The following ADAM19 variants were observed in gnomAD, a reference collection of about 807,000 sequenced individuals.
ADAM19 encodes the protein ADAM metallopeptidase domain 19, also known as disintegrin and metalloproteinase domain-containing protein 19.
ADAM19 carries 65 observed loss-of-function variants against 114.7 expected under a neutral mutation model. The ratio of observed to expected loss-of-function variants is 0.57; its 90% CI spans 0.46 to 0.70. The LOEUF (loss-of-function observed/expected upper bound fraction) is 0.70. Ranked by LOEUF, ADAM19 falls within the 30% of genes least tolerant of loss-of-function variation. ADAM19 has a pLI of 0.00. For synonymous variants in ADAM19, 466 were observed against 460.5 expected, an observed-to-expected ratio of 1.01 and a Z score of -0.15; for missense variants, 1,063 against 1,204.7, an observed-to-expected ratio of 0.88 and a Z score of 1.74.
intron 8 of ADAM19, among the ~76,000 whole-genome samples, chr5:157,511,958 C>T (rs1036208304): frequency 6.6e-6 from 1 of 152,180 alleles, no homozygotes; most frequent in Non-Finnish European, 1.5e-5. Flanking sequence ...TCACATACCC[C>T]ACAGAGGGGA....
At chr5:157,575,160 A>G (rs1230128011) in intron 1 of ADAM19, among the ~76,000 whole-genome samples, 1 of 152,224 alleles carries the variant, frequency 6.6e-6, no homozygotes, top group African/African-American at 2.4e-5. Flanking sequence ...GCCTGGTCCC[A>G]GGAAGCCGCT....
chr5:157,547,814 G>C (rs1028207908), intron 3 of ADAM19, among the ~76,000 whole-genome samples: 13 of 152,032 alleles, frequency 8.6e-5, no homozygotes, highest in African/African-American at 3.1e-4. Flanking sequence ...CTTTATATCA[G>C]CTACCTCTTC....
At chr5:157,534,447 A>G (rs1162222979) in intron 4 of ADAM19, among the ~76,000 whole-genome samples, 2 of 152,200 alleles carry the variant, frequency 1.3e-5, no homozygotes, top group Non-Finnish European at 2.9e-5. Flanking sequence ...CAGTGTGGGC[A>G]ACAGAGTGAG....
chr5:157,497,962 G>A (rs773582623), intron 13 of ADAM19, among the ~76,000 whole-genome samples: 1 of 152,248 alleles, frequency 6.6e-6, no homozygotes, highest in Non-Finnish European at 1.5e-5. Context: ...AGGCTCAAAC[G>A]GAAATTCTTG....
intron 21 of ADAM19, among the ~76,000 whole-genome samples, chr5:157,484,982 C>T (rs980756205): frequency 3.3e-5 from 5 of 152,230 alleles, no homozygotes; most frequent in South Asian, 2.1e-4. Flanking sequence ...CCAGGGCCCT[C>T]GCCCAGCACT....
chr5:157,509,638 T>C (rs919177916), intron 8 of ADAM19, among the ~76,000 whole-genome samples, 171 bp from the exon 9 acceptor site: 1 of 152,226 alleles, frequency 6.6e-6, no homozygotes, highest in South Asian at 2.1e-4. Flanking sequence ...AGAGCACAGA[T>C]ACCAGATTTC....
rs182933206 is a variant in ADAM19 at position 157,526,968 on chromosome 5, G to A, written c.407+3839C>T. ...CCATAGCTTCCAATCAATTCTCAAAGGGTCCAGGGGCCCAAATAAGATTAC... is the reference window on the plus strand; with the variant it reads ...CCATAGCTTCCAATCAATTCTCAAAAGGTCCAGGGGCCCAAATAAGATTAC... On this transcript the variant is annotated intron_variant, in intron 5 of 22. Transcript: ENST00000257527. Among the ~76,000 whole-genome samples the A allele has an allele frequency of 4.0e-3, 612 of 152,146 alleles. 4 individuals carry two copies. Among genetic ancestry groups the A allele is most frequent in the African/African-American group, 0.014 (577 of 41,490 alleles).
chr5:157,508,142 C>T (rs966234559), intron 9 of ADAM19, among the ~76,000 whole-genome samples: 7 of 152,258 alleles, frequency 4.6e-5, no homozygotes, highest in Admixed American at 1.3e-4. Flanking sequence ...TTATTTTCTA[C>T]ATGTTCCAAA....
intron 3 of ADAM19, among the ~76,000 whole-genome samples, chr5:157,546,882 T>A (rs2113773866): frequency 6.6e-6 from 1 of 152,276 alleles, no homozygotes; most frequent in African/African-American, 2.4e-5. Flanking sequence ...CCGGCCCAGC[T>A]CCACCTACTC....
chr5:157,531,933 T>A (rs1756637995), intron 4 of ADAM19, among the ~76,000 whole-genome samples: 1 of 152,116 alleles, frequency 6.6e-6, no homozygotes, highest in Non-Finnish European at 1.5e-5. Flanking sequence ...CCCGACAACA[T>A]CTTGAGTTTG....
intron 1 of ADAM19, among the ~76,000 whole-genome samples, chr5:157,572,660 G>A (rs538440037): frequency 6.6e-6 from 1 of 152,274 alleles, no homozygotes; most frequent in East Asian, 1.9e-4. Flanking sequence ...TAGAAACAAT[G>A]CATTCATATA....
chr5:157,524,985 G>A (rs776313795), intron 5 of ADAM19, among the ~76,000 whole-genome samples: 8 of 152,164 alleles, frequency 5.3e-5, no homozygotes, highest in African/African-American at 1.2e-4. Flanking sequence ...TTCTCAGCTC[G>A]GGAAATAGCA....
At chr5:157,503,444 T>C (rs182353699) in intron 11 of ADAM19, among the ~76,000 whole-genome samples, 192 of 151,168 alleles carry the variant, frequency 1.3e-3, no homozygotes, top group African/African-American at 4.1e-3. Flanking sequence ...TATACATATG[T>C]AACAAACCTG....
In ADAM19 at chr5:157,489,103, T is replaced by G; in HGVS notation, c.2324A>C (p.Lys775Thr). Residue 775 changes from lysine (K) to threonine (T), a missense_variant and splice_region_variant, in exon 20 of 23, where the codon AAG becomes ACG. Physicochemically the swap from Lys to Thr is moderately conservative, Grantham distance 78. Coordinates refer to ENST00000257527, the MANE Select transcript of ADAM19 (RefSeq NM_033274.5). ...FKLQTPQGKRKVINTPEILRK... is the reference protein window; with the variant it reads ...FKLQTPQGKRTVINTPEILRK... ...AGTTCAGTGGTGCAAAGCTCTTACC[T>G]TTCGCTTGCCCTGGGGCGTCTGCAG... 1 of 1,613,604 alleles carries G rather than the reference T, an allele frequency of 6.2e-7. No individual in the cohort carries two copies. Among genetic ancestry groups the G allele is most frequent in the Non-Finnish European group, 8.5e-7 (1 of 1,179,548 alleles).
intron 8 of ADAM19, among the ~76,000 whole-genome samples, chr5:157,509,776 T>C (rs1469562942): frequency 6.6e-6 from 1 of 152,180 alleles, no homozygotes; most frequent in Admixed American, 6.5e-5. Context: ...TGTTTAGAGA[T>C]GACTGAGATA....
intron 18 of ADAM19, 120 bp from the exon 19 acceptor site, chr5:157,490,574 T>G (rs182939489): frequency 3.9e-5 from 47 of 1,216,742 alleles, no homozygotes; most frequent in Non-Finnish European, 5.8e-6. Flanking sequence ...GTATTACTTA[T>G]TTTAACTTAC....
intron 2 of ADAM19, among the ~76,000 whole-genome samples, chr5:157,569,820 C>G (rs886467947): frequency 6.6e-6 from 1 of 152,188 alleles, no homozygotes; most frequent in Non-Finnish European, 1.5e-5. Context: ...CTCTCCCCAG[C>G]TTTCTTTTCT....
At chr5:157,541,408 G>C (rs906168461) in intron 3 of ADAM19, among the ~76,000 whole-genome samples, 12 of 152,154 alleles carry the variant, frequency 7.9e-5, no homozygotes, top group African/African-American at 2.9e-4. Context: ...CCCCTGCTCT[G>C]TCTGCTCTGT....
At chr5:157,573,928 C>G (rs548436297) in intron 1 of ADAM19, among the ~76,000 whole-genome samples, 2 of 152,330 alleles carry the variant, frequency 1.3e-5, no homozygotes, top group Admixed American at 1.3e-4. Context: ...CAGCTTTACT[C>G]TCCTGTTTGC....
Sources: allele counts gnomAD v4.1 joint callset (sites outside exome capture counted in the v4.1 genomes callset), GRCh38; gene constraint gnomAD v4.1.1; transcripts MANE v1.5; gene names NCBI Gene and HGNC (gene_info 2026-07-23, HGNC 2026-07-21).